The following IFT88 variants were observed in gnomAD, a reference collection of about 807,000 sequenced individuals.
IFT88 encodes intraflagellar transport protein 88 homolog.
IFT88 carries 74 observed loss-of-function variants against 119.5 expected under a neutral mutation model. The ratio of observed to expected loss-of-function variants is 0.62; its 90% CI spans 0.51 to 0.75. The LOEUF (loss-of-function observed/expected upper bound fraction) is 0.75. Among genes scored for constraint, IFT88 ranks in the 30% least tolerant of loss-of-function variants. IFT88 has a pLI of 0.00. For synonymous variants in IFT88, 279 were observed against 316.7 expected (o/e 0.88, Z 1.26); for missense variants, 961 against 977.7 (o/e 0.98, Z 0.23).
At chr13:20,646,460 A>G (rs1186875224) in intron 20 of IFT88, among the ~76,000 whole-genome samples, 1 of 117,436 alleles carries the variant, frequency 8.5e-6, no homozygotes, top group African/African-American at 3.2e-5. Context: ...ATGCCACTGC[A>G]CCCGGCTAAT....
chr13:20,642,068 T>G (rs2050040774), intron 18 of IFT88: 1 of 152,184 alleles, frequency 6.6e-6, no homozygotes, highest in Admixed American at 6.5e-5. Context: ...AGCAGAAATG[T>G]GTTAATGTTT....
At chr13:20,578,358 C>CTTT (rs1158499742) in intron 2 of IFT88, among the ~76,000 whole-genome samples, 14 of 78,750 alleles carry the variant, frequency 1.8e-4, no homozygotes, top group Non-Finnish European at 2.5e-4. Flanking sequence ...AGTCTTGTTA[C>CTTT]TTTTTTTTTT....
intron 7 of IFT88, among the ~76,000 whole-genome samples, chr13:20,593,718 CT>C (rs1333463373): frequency 8.6e-5 from 13 of 151,810 alleles, no homozygotes; most frequent in Non-Finnish European, 1.9e-4. Flanking sequence ...ATTCATGGTC[CT>C]TTTGGCTGCT....
chr13:20,678,155 G>A (rs535873127), intron 24 of IFT88, among the ~76,000 whole-genome samples: 76 of 152,346 alleles, frequency 5.0e-4, no homozygotes, highest in African/African-American at 1.8e-3. Flanking sequence ...AAGTGAATGA[G>A]TTGCAGGGAG....
chr13:20,618,462 C>G (rs1594273588), intron 14 of IFT88, among the ~76,000 whole-genome samples: 1 of 152,156 alleles, frequency 6.6e-6, no homozygotes, highest in East Asian at 1.9e-4. Flanking sequence ...TTTAAATAGT[C>G]CCAACACACA....
At chr13:20,603,790 G>A (rs953648783) in intron 12 of IFT88, among the ~76,000 whole-genome samples, 1 of 151,990 alleles carries the variant, frequency 6.6e-6, no homozygotes, top group African/African-American at 2.4e-5. Context: ...CCAGCTACTT[G>A]GGAGGCTGAG....
At chr13:20,637,617 G>T (rs2049217982) in intron 16 of IFT88, among the ~76,000 whole-genome samples, 1 of 152,212 alleles carries the variant, frequency 6.6e-6, no homozygotes. Context: ...AGTGGAGTAA[G>T]TGAGGAGAAG....
intron 24 of IFT88, among the ~76,000 whole-genome samples, chr13:20,675,931 A>G (rs1214053927): frequency 6.6e-6 from 1 of 152,232 alleles, no homozygotes; most frequent in Admixed American, 6.5e-5. Flanking sequence ...GTCTCCATGA[A>G]TACTTTTGGT....
rs762297940 is a variant in IFT88, at chr13:20,614,817, C to CTTTTTTTTTTTTTT, written c.1113-973_1113-960dup. 1.0e-4 allele frequency among the ~76,000 whole-genome samples: 13 copies of CTTTTTTTTTTTTTT among 125,842 alleles called. 1 individual carries two copies. The highest frequency in any genetic ancestry group is 2.6e-4 in the South Asian group (1 of 3,828). The allele number at this position is 125,842 out of a possible 152,430, so 82.6% of individuals were successfully genotyped here. On this transcript the variant is annotated intron_variant, in intron 13 of 25. Coordinates refer to ENST00000351808, the MANE Select transcript of IFT88 (RefSeq NM_006531.5). ...ATGATTTGGAAAGATTATTTCTTTT[C>CTTTTTTTTTTTTTT]TTTTTTTTTTTTTTTTGAGACGGAG...
In IFT88 at chr13:20,638,381, CTGAT is replaced by C; in HGVS notation, c.1437_1440del (p.Arg481IlefsTer30). On this transcript the variant is annotated frameshift_variant, in exon 17 of 26. Coordinates refer to ENST00000351808, the MANE Select transcript of IFT88 (RefSeq NM_006531.5). LOFTEE classifies it high-confidence loss of function. ...AGCTATGCAGATATAGCTGTGAACTCTGATAGATATAATCCAGCAGCTCTTACTA... is the reference window on the plus strand; with the variant it reads ...AGCTATGCAGATATAGCTGTGAACTCAGATATAATCCAGCAGCTCTTACTA... 1.3e-6 allele frequency: 2 copies of C among 1,486,948 alleles called. No individual in the cohort carries two copies. The highest frequency in any genetic ancestry group is 1.8e-6 in the Non-Finnish European group (2 of 1,121,642). 92.1% of individuals were successfully genotyped at this position (1,486,948 alleles called of 1,614,324 possible).
intron 7 of IFT88, among the ~76,000 whole-genome samples, chr13:20,592,959 A>T (rs961538508): frequency 6.6e-6 from 1 of 152,194 alleles, no homozygotes; most frequent in Admixed American, 6.5e-5. Flanking sequence ...TTGTGATATT[A>T]TATGACTTGA....
intron 17 of IFT88, among the ~76,000 whole-genome samples, chr13:20,638,817 C>G (rs2049420060): frequency 6.6e-6 from 1 of 152,122 alleles, no homozygotes; most frequent in South Asian, 2.1e-4. Flanking sequence ...TATTATCATT[C>G]TTTTTAACTT....
At chr13:20,667,617 T>C (rs2140929088) in intron 23 of IFT88, among the ~76,000 whole-genome samples, 1 of 152,020 alleles carries the variant, frequency 6.6e-6, no homozygotes, top group Non-Finnish European at 1.5e-5. Context: ...GTATTTTTTT[T>C]TTTTTTAGTA....
chr13:20,593,148 T>A (rs2041000641), intron 7 of IFT88, among the ~76,000 whole-genome samples: 2 of 152,178 alleles, frequency 1.3e-5, no homozygotes, highest in Admixed American at 6.5e-5. Flanking sequence ...AGAACAAACT[T>A]AATTTAGTGC....
intron 23 of IFT88, among the ~76,000 whole-genome samples, chr13:20,665,027 T>C (rs541569238): frequency 4.6e-5 from 7 of 150,798 alleles, no homozygotes; most frequent in South Asian, 4.2e-4. Flanking sequence ...TGCAGTGAGC[T>C]GAGATCCTGC....
chr13:20,641,498 G>A lies in IFT88; in HGVS notation c.1682+100G>A, dbSNP rs903070668. 6.0e-6 allele frequency: 4 copies of A among 664,678 alleles called. No individual in the cohort carries two copies. In the African/African-American group the frequency reaches 7.1e-5, roughly 12 times the overall value. The allele number at this position is 664,678 out of a possible 1,614,324, so 41.2% of individuals were successfully genotyped here. A position where few individuals can be genotyped will look rare whatever the true frequency, so the allele number is the denominator to read the frequency against. On this transcript the variant is annotated intron_variant, in intron 18 of 25. Transcript: ENST00000351808. ...TTTAACTAATGAAGTAATTGATGAG[G>A]ATAATATTTGAAGTAAGTGATGAGG...
intron 9 of IFT88, among the ~76,000 whole-genome samples, chr13:20,597,493 C>G (rs1207864102): frequency 6.6e-6 from 1 of 151,966 alleles, no homozygotes; most frequent in East Asian, 1.9e-4. Flanking sequence ...GCCTGTAATC[C>G]CAGCACTTTG....
At chr13:20,580,870 C>T (rs532959815) in intron 2 of IFT88, among the ~76,000 whole-genome samples, 183 of 151,780 alleles carry the variant, frequency 1.2e-3, no homozygotes, top group African/African-American at 2.6e-3. Flanking sequence ...GGACTACAGG[C>T]GCCCGCCACC....
chr13:20,616,763 T>C (rs960489462), intron 14 of IFT88, among the ~76,000 whole-genome samples: 9 of 152,186 alleles, frequency 5.9e-5, no homozygotes, highest in African/African-American at 1.7e-4. Context: ...TGTGCTTTCA[T>C]AAGACTGACA....
Sources: gnomAD v4.1 joint callset for allele counts (sites outside exome capture counted in the v4.1 genomes callset) on GRCh38, gnomAD v4.1.1 for gene constraint, MANE v1.5 for transcripts, NCBI Gene and HGNC (gene_info 2026-07-23, HGNC 2026-07-21) for gene names.